The following TEX36 variants were observed in gnomAD, a reference collection of about 807,000 sequenced individuals.
TEX36 encodes testis-expressed protein 36.
Under a neutral mutation model 13.6 loss-of-function variants are expected in TEX36, and 12 were observed. The observed-to-expected ratio is 0.88, with a 90% CI of 0.56 to 1.43. TEX36 has a LOEUF of 1.43. TEX36 is among the 40% of genes most tolerant of loss of function. The pLI is 0.00. For synonymous variants in TEX36, 93 were observed against 83.0 expected (o/e 1.12, Z -0.65); for missense variants, 224 against 228.3 (o/e 0.98, Z 0.12).
At chr10:125,581,582 C>T (rs1030140617) in intron 3 of TEX36, among the ~76,000 whole-genome samples, 2 of 152,202 alleles carry the variant, frequency 1.3e-5, no homozygotes, top group Non-Finnish European at 2.9e-5. Flanking sequence ...TCAGAGTCAG[C>T]TTTTAGGGAA....
rs113787899 is a variant in TEX36, at chr10:125,600,151, C to A, written c.265-23277G>T. Among the ~76,000 whole-genome samples the A allele has an allele frequency of 2.6e-4, 40 of 152,196 alleles. 1 individual carries two copies. Among genetic ancestry groups the A allele is most frequent in the Non-Finnish European group, 5.4e-4 (37 of 68,036 alleles). On this transcript the variant is annotated intron_variant, in intron 3 of 3. Transcript: ENST00000532135. Reference sequence around the variant, plus strand: ...CTACAGGATGGCAGGTAACTTATGACCTGTGTCATCTTCTTAATAAGATGA... The same window carrying A: ...CTACAGGATGGCAGGTAACTTATGAACTGTGTCATCTTCTTAATAAGATGA...
intron 3 of TEX36, among the ~76,000 whole-genome samples, chr10:125,589,003 T>C (rs75525581): frequency 0.071 from 10,804 of 152,278 alleles, 552 homozygotes; most frequent in Non-Finnish European, 0.11. Flanking sequence ...CGCCCCGTGA[T>C]TGAAACACCT....
chr10:125,589,478 T>C (rs917848281), intron 3 of TEX36, among the ~76,000 whole-genome samples: 11 of 152,226 alleles, frequency 7.2e-5, no homozygotes, highest in African/African-American at 2.7e-4. Context: ...GTGATATTGG[T>C]TGATACACTG....
At chr10:125,619,821 C>T (rs977905108), downstream of TEX36, among the ~76,000 whole-genome samples, 1 of 152,156 alleles carries the variant, frequency 6.6e-6, no homozygotes, top group East Asian at 1.9e-4. Context: ...TCCCAAAGTG[C>T]TGGGATTACA....
At chr10:125,669,310 A>T (rs1028101907) in intron 1 of TEX36, among the ~76,000 whole-genome samples, 5 of 151,428 alleles carry the variant, frequency 3.3e-5, no homozygotes, top group African/African-American at 1.2e-4. Context: ...AATAAATAAA[A>T]TAAATAAATA....
At chr10:125,604,533 G>A (rs375537724) in intron 3 of TEX36, among the ~76,000 whole-genome samples, 8 of 151,936 alleles carry the variant, frequency 5.3e-5, no homozygotes, top group African/African-American at 1.7e-4. Context: ...AAAAAAGAGA[G>A]CCAAGGGCAG....
chr10:125,647,948 G>T (rs553427567), intron 3 of TEX36, among the ~76,000 whole-genome samples: 1 of 152,344 alleles, frequency 6.6e-6, no homozygotes, highest in East Asian at 1.9e-4. Context: ...CGGCAGCAAG[G>T]CTGGGGGAGG....
intron 3 of TEX36, among the ~76,000 whole-genome samples, chr10:125,603,304 C>T (rs1017962362): frequency 6.6e-6 from 1 of 152,176 alleles, no homozygotes; most frequent in Non-Finnish European, 1.5e-5. Flanking sequence ...GCCTGTGCCC[C>T]CATCCCTGCA....
chr10:125,637,943 G>A (rs923306553), intron 3 of TEX36, among the ~76,000 whole-genome samples: 6 of 151,370 alleles, frequency 4.0e-5, no homozygotes, highest in Non-Finnish European at 5.9e-5. Context: ...CTGCTGCCGG[G>A]CCCCCTCCAA....
At chr10:125,662,777 C>G (rs1008940233) in intron 1 of TEX36, among the ~76,000 whole-genome samples, 3 of 152,282 alleles carry the variant, frequency 2.0e-5, no homozygotes, top group African/African-American at 7.2e-5. Context: ...CCTAGGGAGG[C>G]AGCTCTCTTC....
In TEX36 at chr10:125,679,647, C is replaced by A. The variant is rs117707514; in HGVS notation, c.51+3292G>T. Among the ~76,000 whole-genome samples the A allele has an allele frequency of 8.6e-3, 1,306 of 152,344 alleles. 7 individuals are homozygous for A. The highest frequency in any genetic ancestry group is 0.034 in the Middle Eastern group (10 of 294). On this transcript the variant is annotated intron_variant, in intron 1 of 3. Transcript: ENST00000368821. ...TGGGAAGTCACTCCTGGCTCCCAGC[C>A]GATCCCGGCCAGGCAGGCTGCCTTT...
chr10:125,627,683 T>C (rs887630812), intron 3 of TEX36, among the ~76,000 whole-genome samples: 1 of 152,218 alleles, frequency 6.6e-6, no homozygotes, highest in East Asian at 1.9e-4. Flanking sequence ...TCAACAAATA[T>C]ACAAATAAAT....
downstream of TEX36, among the ~76,000 whole-genome samples, chr10:125,653,068 A>G (rs547890757): frequency 5.5e-4 from 84 of 152,354 alleles, no homozygotes; most frequent in Middle Eastern, 0.01. Flanking sequence ...CCATTGTGGA[A>G]AACAGTGTGG....
chr10:125,623,259 G>A (rs1846448946), intron 3 of TEX36, among the ~76,000 whole-genome samples: 4 of 152,160 alleles, frequency 2.6e-5, no homozygotes, highest in Admixed American at 2.0e-4. Flanking sequence ...AATTCCATGA[G>A]CATGAGCTCA....
chr10:125,653,746 G>T (rs1372851608), downstream of TEX36, among the ~76,000 whole-genome samples: 1 of 152,144 alleles, frequency 6.6e-6, no homozygotes, highest in Non-Finnish European at 1.5e-5. Flanking sequence ...TCTAATCCCA[G>T]CACAGGAGGA....
At chr10:125,631,860 G>A (rs956465880) in intron 3 of TEX36, among the ~76,000 whole-genome samples, 19 of 152,148 alleles carry the variant, frequency 1.2e-4, no homozygotes, top group African/African-American at 4.3e-4. Flanking sequence ...AGTGGTCAGG[G>A]GCCATGCAGG....
At chr10:125,599,232 AAG>A (rs1344908081) in intron 3 of TEX36, among the ~76,000 whole-genome samples, 15 of 152,338 alleles carry the variant, frequency 9.8e-5, no homozygotes, top group African/African-American at 3.6e-4. Context: ...TTTGTGGAAG[AAG>A]TCCACATTGT....
intron 3 of TEX36, among the ~76,000 whole-genome samples, chr10:125,580,197 C>G (rs1375844649): frequency 6.6e-6 from 1 of 152,176 alleles, no homozygotes; most frequent in Non-Finnish European, 1.5e-5. Context: ...TTGGACTTGT[C>G]TTTAAACCAT....
intron 1 of TEX36, chr10:125,668,079 G>A (rs1246166841): frequency 1.6e-6 from 1 of 609,264 alleles, no homozygotes; most frequent in African/African-American, 1.9e-5. Context: ...GAGAGTCTGT[G>A]GACAGAGTGT....
Sources: allele counts gnomAD v4.1 joint callset (sites outside exome capture counted in the v4.1 genomes callset), GRCh38; gene constraint gnomAD v4.1.1; transcripts MANE v1.5; gene names NCBI Gene and HGNC (gene_info 2026-07-23, HGNC 2026-07-21).